Variants in DAW1 observed in about 807,000 individuals in gnomAD.
DAW1 encodes dynein assembly factor with WD repeat domains 1.
In DAW1, 47 loss-of-function variants were observed where a neutral mutation model predicts 56.5. The ratio of observed to expected loss-of-function variants is 0.83; its 90% CI spans 0.66 to 1.06. The LOEUF is 1.06. Among genes scored for constraint, DAW1 ranks in the 50% least tolerant of loss-of-function variants. DAW1 has a pLI of 0.00. For missense variants in DAW1, 505 were observed against 499.3 expected (o/e 1.01, Z -0.11); for synonymous variants, 190 against 179.0 (o/e 1.06, Z -0.49).
intron 4 of DAW1, among the ~76,000 whole-genome samples, 155 bp from the exon 5 acceptor site, chr2:227,893,640 C>G (rs1484643653): frequency 3.3e-5 from 5 of 152,072 alleles, no homozygotes; most frequent in Non-Finnish European, 7.4e-5. Context: ...CCATTGCACT[C>G]CAGCCTGAGT....
At chr2:227,917,142 ATCTGTCTGTCTGTCTG>A (rs58001363) in intron 10 of DAW1, among the ~76,000 whole-genome samples, 1 of 138,462 alleles carries the variant, frequency 7.2e-6, no homozygotes, top group East Asian at 2.2e-4. Flanking sequence ...CTATCTATCT[ATCTGTCTGTCTGTCTG>A]TCTGTCTGTC....
intron 10 of DAW1, among the ~76,000 whole-genome samples, chr2:227,913,273 GA>G (rs1691873599): frequency 6.6e-6 from 1 of 152,078 alleles, no homozygotes; most frequent in African/African-American, 2.4e-5. Context: ...ATCGACATGT[GA>G]TGTTATATTA....
chr2:227,893,787 T>C lies in DAW1; in HGVS notation c.318-8T>C, dbSNP rs1691335740. 4.4e-6 allele frequency: 7 copies of C among 1,607,490 alleles called. No individual in the cohort carries two copies. The South Asian group carries it at 4.5e-5, about 10-fold the overall frequency. On this transcript the variant is annotated splice_polypyrimidine_tract_variant and splice_region_variant and intron_variant, in intron 4 of 12. Transcript: ENST00000309931. ...TTCCCTGCAACGTGTTTATATTCCT[T>C]GTGTTAGCTTTATCACAGGAAGCTA...
intron 10 of DAW1, among the ~76,000 whole-genome samples, chr2:227,908,517 A>G (rs979500053): frequency 3.9e-5 from 6 of 152,198 alleles, no homozygotes; most frequent in Admixed American, 2.0e-4. Context: ...CATGACAACC[A>G]TATATGATGT....
chr2:227,877,773 AG>A lies in DAW1; in HGVS notation c.40+6046del, dbSNP rs201892276. Among the ~76,000 whole-genome samples the A allele has an allele frequency of 9.5e-3, 1,451 of 152,334 alleles. 28 individuals carry two copies. The highest frequency in any genetic ancestry group is 0.033 in the African/African-American group (1,388 of 41,566). On this transcript the variant is annotated intron_variant, in intron 1 of 12. Transcript: ENST00000309931. The stretch of plus-strand genomic sequence containing the variant: ...ATGCTGCTGCTGCTGATCTGACAGG[AG>A]GCTGAATGAGCTCAGGCAGTAATGC...
intron 2 of DAW1, among the ~76,000 whole-genome samples, chr2:227,886,429 C>A (rs2106191541): frequency 6.6e-6 from 1 of 152,138 alleles, no homozygotes; most frequent in East Asian, 1.9e-4. Flanking sequence ...GCAGCCTGGC[C>A]AATATGAGGA....
chr2:227,876,547 C>T, intron 1 of DAW1: 1 of 1,260,636 alleles, frequency 7.9e-7, no homozygotes, highest in Non-Finnish European at 1.0e-6. Context: ...TCCACTGAAT[C>T]ATTCCCGTGC....
In DAW1 at chr2:227,871,641, C is replaced by G; in HGVS notation, c.-49C>G. On this transcript the variant is annotated 5_prime_UTR_variant, in exon 1 of 13. Transcript: ENST00000309931. The stretch of plus-strand genomic sequence containing the variant: ...CACCCGCGTCCCGCTGCTGTTTAGC[C>G]GTTTCCAAGGCTACGAAGCCCATCG... 6.2e-7 allele frequency: 1 copy of G among 1,603,302 alleles called. No individual in the cohort carries two copies. The highest frequency in any genetic ancestry group is 8.5e-7 in the Non-Finnish European group (1 of 1,174,738).
chr2:227,912,398 C>A lies in DAW1; in HGVS notation c.973+5146C>A, dbSNP rs528772105. On this transcript the variant is annotated intron_variant, in intron 10 of 12. Coordinates refer to ENST00000309931, the MANE Select transcript of DAW1 (RefSeq NM_178821.3). Reference sequence around the variant, plus strand: ...CTTGGTAATCATGTTTGATGTTATCCGGTGTGTTCATCTCTTTGATCACTG... The same window carrying A: ...CTTGGTAATCATGTTTGATGTTATCAGGTGTGTTCATCTCTTTGATCACTG... 3.1e-6 allele frequency: 4 copies of A among 1,304,784 alleles called. No homozygotes were observed. The South Asian group carries it at 4.9e-5, about 16-fold the overall frequency. 80.8% of individuals were successfully genotyped at this position (1,304,784 alleles called of 1,614,324 possible). A position where few individuals can be genotyped will look rare whatever the true frequency, so the allele number is the denominator to read the frequency against.
Position 227,891,266 on chromosome 2 carries a change from A to T in DAW1, c.270A>T (p.Ala90=), listed in dbSNP as rs1286588927. ...TTCTTTCACTGAAGGTTCTCAAAGC[A>T]CATATATTGCCACTGACTAATGTTG... ...HTFYLFKVLK[A]HILPLTNVAL... is the part of the protein sequence containing the mutation. Residue 90 remains alanine (A), a synonymous_variant, in exon 4 of 13, where the codon GCA becomes GCT. Coordinates refer to ENST00000309931, the MANE Select transcript of DAW1 (RefSeq NM_178821.3). 4 of 1,613,040 alleles carry T rather than the reference A, an allele frequency of 2.5e-6. No individual in the cohort carries two copies. Among genetic ancestry groups the T allele is most frequent in the East Asian group, 2.2e-5 (1 of 44,826 alleles).
rs1308678863 is a variant in DAW1, at chr2:227,885,339, T to G, written c.41-12T>G. ...CGTAAGTGTTTTATAACATGTTTGT[T>G]TATTTCTATAGGAATTATGTTGGAA... On this transcript the variant is annotated splice_polypyrimidine_tract_variant and intron_variant, in intron 1 of 12. Transcript: ENST00000309931. The G allele has an allele frequency of 1.1e-5, 17 of 1,566,158 alleles. No individual in the cohort carries two copies. The highest frequency in any genetic ancestry group is 1.5e-5 in the Non-Finnish European group (17 of 1,154,296).
chr2:227,920,789 G>A (rs1357777009), intron 11 of DAW1, among the ~76,000 whole-genome samples: 1 of 152,104 alleles, frequency 6.6e-6, no homozygotes, highest in Non-Finnish European at 1.5e-5. Flanking sequence ...CGATTCTCCT[G>A]CCTCAGCCTC....
At chr2:227,894,128 G>T (rs528044949) in intron 5 of DAW1, among the ~76,000 whole-genome samples, 1 of 152,244 alleles carries the variant, frequency 6.6e-6, no homozygotes, top group South Asian at 2.1e-4. Flanking sequence ...AAGGCTGGGC[G>T]TGGTGGCTCA....
At chr2:227,901,939 G>A (rs564958883) in intron 6 of DAW1, among the ~76,000 whole-genome samples, 1 of 152,140 alleles carries the variant, frequency 6.6e-6, no homozygotes, top group Admixed American at 6.5e-5. Context: ...TAGAATGGGC[G>A]GAAGGATGCC....
intron 9 of DAW1, 30 bp downstream of exon 9, chr2:227,906,368 T>C: frequency 6.6e-7 from 1 of 1,519,194 alleles, no homozygotes; most frequent in Non-Finnish European, 9.1e-7. Flanking sequence ...ATCTTTGCTT[T>C]ATATTGTGTC....
intron 5 of DAW1, among the ~76,000 whole-genome samples, chr2:227,896,238 G>A (rs1234409990): frequency 2.0e-5 from 3 of 152,060 alleles, no homozygotes; most frequent in African/African-American, 7.2e-5. Context: ...AGATTTTATT[G>A]AAATTATAAA....
chr2:227,889,696 C>T, intron 2 of DAW1, 160 bp from the exon 3 acceptor site: 1 of 513,280 alleles, frequency 1.9e-6, no homozygotes, highest in Admixed American at 4.2e-5. Context: ...TTGTATGATC[C>T]TCCCCGCCCC....
chr2:227,916,053 A>T (rs2106214365), intron 10 of DAW1, among the ~76,000 whole-genome samples: 1 of 152,200 alleles, frequency 6.6e-6, no homozygotes, highest in East Asian at 1.9e-4. Flanking sequence ...TGGCATTTAA[A>T]TCTTTGTGAT....
At chr2:227,919,445 T>C (rs1006022451) in intron 11 of DAW1, among the ~76,000 whole-genome samples, 1 of 152,148 alleles carries the variant, frequency 6.6e-6, no homozygotes, top group Non-Finnish European at 1.5e-5. Context: ...AGATATTTAA[T>C]ATGGCAATTT....
Sources: gnomAD v4.1 joint callset for allele counts (sites outside exome capture counted in the v4.1 genomes callset) on GRCh38, gnomAD v4.1.1 for gene constraint, MANE v1.5 for transcripts, NCBI Gene and HGNC (gene_info 2026-07-23, HGNC 2026-07-21) for gene names.